NEDD4L: variants seen among roughly 807,000 people sequenced by gnomAD.
The protein encoded by NEDD4L is E3 ubiquitin-protein ligase NEDD4-like.
Under a neutral mutation model 148.9 loss-of-function variants are expected in NEDD4L, and 54 were observed. That is an observed-to-expected ratio of 0.36 (90% CI 0.29 to 0.45). The LOEUF (loss-of-function observed/expected upper bound fraction) is 0.45, where lower values mean the gene tolerates loss of function less well. Ranked by LOEUF, NEDD4L falls within the 20% of genes least tolerant of loss-of-function variation. The probability of loss-of-function intolerance (pLI) is 1.00; values close to 1 mark genes in which losing one functional copy is unlikely to be tolerated. For synonymous variants in NEDD4L, 433 were observed against 440.7 expected, an observed-to-expected ratio of 0.98 and a Z score of 0.22; for missense variants, 856 against 1,233.8, an observed-to-expected ratio of 0.69 and a Z score of 4.59.
chr18:58,386,353 G>A (rs1946339203), intron 26 of NEDD4L, among the ~76,000 whole-genome samples: 1 of 152,118 alleles, frequency 6.6e-6, no homozygotes, highest in South Asian at 2.1e-4. Context: ...GCCCAGCCAT[G>A]GACATTTTTT....
chr18:58,057,894 ACT>A (rs2082158268), intron 1 of NEDD4L, among the ~76,000 whole-genome samples: 1 of 152,024 alleles, frequency 6.6e-6, no homozygotes, highest in Non-Finnish European at 1.5e-5. Flanking sequence ...AGTTTAACCC[ACT>A]CTGCTTTTGC....
At chr18:58,388,005 C>T (rs984636127) in intron 27 of NEDD4L, 6 of 152,658 alleles carry the variant, frequency 3.9e-5, no homozygotes, top group African/African-American at 9.7e-5. Context: ...GCCTGTAGAA[C>T]GACGTCTCAT....
intron 9 of NEDD4L, 99 bp downstream of exon 9, chr18:58,325,261 T>C (rs2059210351): frequency 7.2e-7 from 1 of 1,381,958 alleles, no homozygotes; most frequent in Non-Finnish European, 1.0e-6. Flanking sequence ...ATAAATCATA[T>C]GTCTATAAGA....
At chr18:58,181,558 A>G (rs1599435557) in intron 2 of NEDD4L, among the ~76,000 whole-genome samples, 1 of 152,064 alleles carries the variant, frequency 6.6e-6, no homozygotes, top group Non-Finnish European at 1.5e-5. Flanking sequence ...TAGACTCCCA[A>G]ATAGCTAGAC....
chr18:58,234,045 T>TTTTCTTTCTTTC (rs1156456436), intron 2 of NEDD4L, among the ~76,000 whole-genome samples: 3,736 of 117,482 alleles, frequency 0.032, 145 homozygotes, highest in East Asian at 0.041. Context: ...ATTTCTTTCC[T>TTTTCTTTCTTTC]TTTCTTTCTT....
intron 5 of NEDD4L, among the ~76,000 whole-genome samples, chr18:58,263,442 GCTTA>G (rs1420869616): frequency 6.6e-6 from 1 of 151,966 alleles, no homozygotes; most frequent in Non-Finnish European, 1.5e-5. Flanking sequence ...TCATTATCTT[GCTTA>G]CTTCTTTCTT....
At chr18:58,331,160 T>C (rs2059758787) in intron 11 of NEDD4L, among the ~76,000 whole-genome samples, 1 of 152,152 alleles carries the variant, frequency 6.6e-6, no homozygotes. Context: ...ACTTTCTTGG[T>C]TTATAAAGAA....
At chr18:58,081,839 A>G (rs535965788) in intron 1 of NEDD4L, among the ~76,000 whole-genome samples, 1 of 152,124 alleles carries the variant, frequency 6.6e-6, no homozygotes, top group East Asian at 1.9e-4. Flanking sequence ...GTTTCTCCAT[A>G]ACAAATGCGT....
At chr18:58,195,982 C>T (rs2040643235) in intron 2 of NEDD4L, among the ~76,000 whole-genome samples, 1 of 152,116 alleles carries the variant, frequency 6.6e-6, no homozygotes, top group South Asian at 2.1e-4. Context: ...TTGTTTCTAA[C>T]CTCTTTTCTT....
intron 5 of NEDD4L, among the ~76,000 whole-genome samples, chr18:58,304,319 GACC>G (rs1411373380): frequency 1.4e-5 from 2 of 143,162 alleles, no homozygotes; most frequent in Non-Finnish European, 1.5e-5. Context: ...AGGACTTTGA[GACC>G]ACCTGGACAA....
intron 19 of NEDD4L, 130 bp from the exon 20 acceptor site, chr18:58,364,138 T>G: frequency 3.0e-6 from 2 of 667,050 alleles, no homozygotes; most frequent in Non-Finnish European, 5.3e-6. Context: ...ATCTAATTTT[T>G]CCATGGATAA....
At chr18:58,376,982 C>T (rs2047650971) in intron 24 of NEDD4L, among the ~76,000 whole-genome samples, 1 of 152,220 alleles carries the variant, frequency 6.6e-6, no homozygotes, top group Non-Finnish European at 1.5e-5. Flanking sequence ...GCCCTTGACC[C>T]AGACCCTATG....
At chr18:58,318,953 A>T (rs746322985) in intron 6 of NEDD4L, among the ~76,000 whole-genome samples, 9 of 152,088 alleles carry the variant, frequency 5.9e-5, no homozygotes, top group South Asian at 2.1e-4. Context: ...ACCATGGCTG[A>T]CTCTGGAATT....
chr18:58,059,604 G>C (rs1472122605), intron 1 of NEDD4L, among the ~76,000 whole-genome samples: 1 of 152,164 alleles, frequency 6.6e-6, no homozygotes, highest in Admixed American at 6.5e-5. Flanking sequence ...AGCAGTGTTA[G>C]GAAGTTTGGA....
chr18:58,202,700 T>C (rs1203342981), intron 2 of NEDD4L, among the ~76,000 whole-genome samples: 1 of 152,236 alleles, frequency 6.6e-6, no homozygotes, highest in East Asian at 1.9e-4. Flanking sequence ...CTTTCTTGGA[T>C]AGCGTAGCCA....
At chr18:58,185,342 G>C (rs62094495) in intron 2 of NEDD4L, among the ~76,000 whole-genome samples, 2 of 152,062 alleles carry the variant, frequency 1.3e-5, no homozygotes, top group Admixed American at 6.5e-5. Context: ...AAAACTCCCG[G>C]TGTCCACACG....
chr18:58,379,085 G>A (rs1486246413), intron 24 of NEDD4L, among the ~76,000 whole-genome samples: 1 of 152,234 alleles, frequency 6.6e-6, no homozygotes, highest in African/African-American at 2.4e-5. Context: ...ACAGGAGGGC[G>A]ATGGCCCAGA....
chr18:58,284,612 C>G (rs1296441971), intron 5 of NEDD4L, among the ~76,000 whole-genome samples: 2 of 151,866 alleles, frequency 1.3e-5, no homozygotes, highest in African/African-American at 4.8e-5. Flanking sequence ...GTGGGTACAC[C>G]CAGTCTTATG....
rs779402955 is a variant in NEDD4L, at chr18:58,292,287, T to A, written c.298-23695T>A. Among the ~76,000 whole-genome samples, 3 of 152,306 alleles carry A rather than the reference T, an allele frequency of 2.0e-5. No individual in the cohort carries two copies. In the East Asian group the frequency reaches 5.8e-4, roughly 29 times the overall value. On this transcript the variant is annotated intron_variant, in intron 5 of 30. Coordinates refer to ENST00000400345, the MANE Select transcript of NEDD4L (RefSeq NM_001144967.3). ...CAGCGTATACTGTCACTGCTGCCTC[T>A]GTGGCTTCCCCTTTCCCTCCAAGTA...
Sources: gnomAD v4.1 joint callset for allele counts (sites outside exome capture counted in the v4.1 genomes callset) on GRCh38, gnomAD v4.1.1 for gene constraint, MANE v1.5 for transcripts, NCBI Gene and HGNC (gene_info 2026-07-23, HGNC 2026-07-21) for gene names.